Variants in BMPR1B observed in about 807,000 individuals in gnomAD.
The protein encoded by BMPR1B is bone morphogenetic protein receptor type-1B.
In BMPR1B, 12 loss-of-function variants were observed where a neutral mutation model predicts 59.1. That is an observed-to-expected ratio of 0.20 (90% confidence interval 0.13 to 0.33). BMPR1B has a LOEUF of 0.33. Among genes scored for constraint, BMPR1B ranks in the 10% least tolerant of loss-of-function variants. The pLI, the probability that BMPR1B is intolerant of heterozygous loss-of-function variation, is 1.00. For synonymous variants in BMPR1B, 237 were observed against 207.3 expected, an observed-to-expected ratio of 1.14 and a Z score of -1.23; for missense variants, 550 against 610.9, an observed-to-expected ratio of 0.90 and a Z score of 1.05.
intron 3 of BMPR1B, among the ~76,000 whole-genome samples, chr4:95,067,367 G>A (rs1027626871): frequency 6.6e-6 from 1 of 152,048 alleles, no homozygotes; most frequent in African/African-American, 2.4e-5. Context: ...TTATTTATCA[G>A]TAACACATGA....
chr4:94,902,456 A>G lies in BMPR1B; in HGVS notation c.-113+26556A>G, dbSNP rs531747178. On this transcript the variant is annotated intron_variant, in intron 2 of 12. Transcript: ENST00000515059. ...TATATTCTGAAAATTATTTATCTCT[A>G]GAGAGGAAGAGAGTGAGAAGGATGA... Among the ~76,000 whole-genome samples, 11 of 152,080 alleles carry G rather than the reference A, an allele frequency of 7.2e-5. No homozygotes were observed. The South Asian group carries it at 2.3e-3, about 32-fold the overall frequency.
intron 1 of BMPR1B, among the ~76,000 whole-genome samples, chr4:94,846,299 T>G (rs1341276530): frequency 6.6e-6 from 1 of 152,210 alleles, no homozygotes; most frequent in Non-Finnish European, 1.5e-5. Context: ...TCTGATCATA[T>G]ATATGATGGT....
intron 1 of BMPR1B, among the ~76,000 whole-genome samples, chr4:94,850,167 T>A (rs13117041): frequency 0.61 from 93,257 of 151,916 alleles, 29,633 homozygotes; most frequent in African/African-American, 0.78. Flanking sequence ...TTCATTTTTT[T>A]AATCCTTTTC....
intron 3 of BMPR1B, among the ~76,000 whole-genome samples, chr4:95,056,890 C>T (rs541071997): frequency 6.6e-6 from 1 of 152,378 alleles, no homozygotes; most frequent in South Asian, 2.1e-4. Context: ...TGCCTTTCTA[C>T]TCTGTTTATC....
At chr4:95,102,370 A>G (rs1003153214) in intron 3 of BMPR1B, among the ~76,000 whole-genome samples, 2 of 152,242 alleles carry the variant, frequency 1.3e-5, no homozygotes, top group Non-Finnish European at 2.9e-5. Flanking sequence ...ATCCTAGTTA[A>G]ACAGGCTGTG....
intron 1 of BMPR1B, among the ~76,000 whole-genome samples, chr4:94,804,751 T>G (rs993646917): frequency 2.6e-5 from 4 of 152,194 alleles, no homozygotes. Context: ...TAAAGTAGTT[T>G]ATGTGATGTG....
chr4:95,127,071 T>TGTGTGTGTGTGTGTGTGTGTG (rs70946593), intron 8 of BMPR1B, among the ~76,000 whole-genome samples: 1 of 151,600 alleles, frequency 6.6e-6, no homozygotes, highest in Non-Finnish European at 1.5e-5. Flanking sequence ...TGTGTGTGTG[T>TGTGTGTGTGTGTGTGTGTGTG]TCTGTGTATG....
At chr4:94,952,429 AGC>A (rs1729980905) in intron 2 of BMPR1B, among the ~76,000 whole-genome samples, 2 of 152,100 alleles carry the variant, frequency 1.3e-5, no homozygotes, top group African/African-American at 4.8e-5. Context: ...ACACTTCTTT[AGC>A]TGTGTCCCAG....
At chr4:94,799,806 T>G (rs1723338571) in intron 1 of BMPR1B, among the ~76,000 whole-genome samples, 1 of 152,102 alleles carries the variant, frequency 6.6e-6, no homozygotes, top group African/African-American at 2.4e-5. Flanking sequence ...TTCTCCTGCC[T>G]CAGCCTCCCA....
At chr4:94,892,683 A>T (rs956667983) in intron 2 of BMPR1B, among the ~76,000 whole-genome samples, 2 of 152,090 alleles carry the variant, frequency 1.3e-5, no homozygotes, top group Non-Finnish European at 2.9e-5. Flanking sequence ...AAGACCCACA[A>T]GCATTTGTTT....
chr4:94,932,494 A>AT (rs1043779920), intron 2 of BMPR1B, among the ~76,000 whole-genome samples: 2 of 152,086 alleles, frequency 1.3e-5, no homozygotes, highest in Non-Finnish European at 2.9e-5. Flanking sequence ...GCAAAATGAT[A>AT]TTTTTTTGGA....
chr4:94,980,073 C>T (rs1731176538), intron 2 of BMPR1B, among the ~76,000 whole-genome samples: 1 of 152,166 alleles, frequency 6.6e-6, no homozygotes, highest in African/African-American at 2.4e-5. Flanking sequence ...CTGTAGCTCT[C>T]TTAAAAGGAT....
Position 94,858,046 on chromosome 4 carries a change from C to T in BMPR1B, c.-182-17785C>T, listed in dbSNP as rs903706506. Among the ~76,000 whole-genome samples, 7 of 152,134 alleles carry T rather than the reference C, an allele frequency of 4.6e-5. No individual in the cohort carries two copies. In the South Asian group the frequency reaches 1.0e-3, roughly 23 times the overall value. ...CTGCAAGCTCTGCCTGCAGGGTTCA[C>T]GCCATTCTCCTGCCTCAGTCTCCCG... On this transcript the variant is annotated intron_variant, in intron 1 of 12. Coordinates refer to ENST00000515059, the MANE Select transcript of BMPR1B (RefSeq NM_001203.3).
At chr4:95,068,101 G>A (rs1387186425) in intron 3 of BMPR1B, among the ~76,000 whole-genome samples, 1 of 152,198 alleles carries the variant, frequency 6.6e-6, no homozygotes, top group East Asian at 1.9e-4. Context: ...GAGCAGCTAA[G>A]TTGAGATTTT....
chr4:94,955,955 G>T (rs1051550671), intron 2 of BMPR1B, among the ~76,000 whole-genome samples: 1 of 152,022 alleles, frequency 6.6e-6, no homozygotes, highest in Admixed American at 6.6e-5. Context: ...CTTGCAATAG[G>T]TCTCTGAGGC....
rs530453490 is a variant in BMPR1B at position 95,136,654 on chromosome 4, G to A, written c.1076+5142G>A. Among the ~76,000 whole-genome samples the A allele has an allele frequency of 1.1e-4, 17 of 152,156 alleles. No homozygotes were observed. In the South Asian group the frequency reaches 2.5e-3, roughly 22 times the overall value. On this transcript the variant is annotated intron_variant, in intron 10 of 12. Transcript: ENST00000515059. The stretch of plus-strand genomic sequence containing the variant: ...TTAGTCTTGGGAGGGTGTATGTGTC[G>A]AGGAATTTATCCATTTCTTCTATTT...
rs1281338534 is a variant in BMPR1B at position 95,156,671 on chromosome 4, GTTT to G, written c.*2001_*2003del. ...TTGAAATTGAAAAAAAAAAAATTGT[GTTT>G]TTAAAGAGTGAAAACAGTTAGAAAA... On this transcript the variant is annotated 3_prime_UTR_variant, in exon 13 of 13. Coordinates refer to ENST00000515059, the MANE Select transcript of BMPR1B (RefSeq NM_001203.3). 1 of 151,884 alleles carries G rather than the reference GTTT, an allele frequency of 6.6e-6. No individual in the cohort carries two copies. Among genetic ancestry groups the G allele is most frequent in the Non-Finnish European group, 1.5e-5 (1 of 67,934 alleles). 9.4% of individuals were successfully genotyped at this position (151,884 alleles called of 1,614,324 possible).
intron 1 of BMPR1B, among the ~76,000 whole-genome samples, chr4:94,874,302 C>G (rs1018692250): frequency 6.6e-6 from 1 of 152,018 alleles, no homozygotes; most frequent in Non-Finnish European, 1.5e-5. Flanking sequence ...GCTTTCAATT[C>G]TTTGGATTAT....
intron 2 of BMPR1B, among the ~76,000 whole-genome samples, chr4:94,995,278 A>G (rs988991585): frequency 2.6e-5 from 4 of 152,168 alleles, no homozygotes; most frequent in Admixed American, 6.5e-5. Flanking sequence ...GTGTTGAGTT[A>G]TAATTTTAGG....
Sources: allele counts gnomAD v4.1 joint callset (sites outside exome capture counted in the v4.1 genomes callset), GRCh38; gene constraint gnomAD v4.1.1; transcripts MANE v1.5; gene names NCBI Gene and HGNC (gene_info 2026-07-23, HGNC 2026-07-21).